Variants in PDE3A observed in about 807,000 individuals in gnomAD.
The protein encoded by PDE3A is phosphodiesterase 3A.
Under a neutral mutation model 98.3 loss-of-function variants are expected in PDE3A, and 43 were observed. The observed-to-expected ratio is 0.44, with a 90% CI of 0.34 to 0.56. PDE3A has a LOEUF of 0.56. Among genes scored for constraint, PDE3A ranks in the 20% least tolerant of loss-of-function variants. The probability of loss-of-function intolerance (pLI) is 0.01; values close to 1 mark genes in which losing one functional copy is unlikely to be tolerated. For synonymous variants in PDE3A, 663 were observed against 567.9 expected, an observed-to-expected ratio of 1.17 and a Z score of -2.38; for missense variants, 1,427 against 1,440.7, an observed-to-expected ratio of 0.99 and a Z score of 0.15.
At chr12:20,389,276 G>C (rs967720830) in intron 1 of PDE3A, among the ~76,000 whole-genome samples, 4 of 151,856 alleles carry the variant, frequency 2.6e-5, no homozygotes, top group African/African-American at 7.3e-5. Context: ...TTAGCATTTG[G>C]GTAGAATCCA....
chr12:20,370,399 TG>T lies in PDE3A; in HGVS notation c.960+156del, dbSNP rs1376695689. ...TTAAGAAACTAGCAGGTTTTTTTTT[TG>T]TTTTTTTTGTTTTTTTTTTTTTGTT... is the stretch of plus-strand genomic sequence containing the variant. On this transcript the variant is annotated intron_variant, in intron 1 of 15. Transcript: ENST00000359062. 1.6e-4 allele frequency: 71 copies of T among 453,314 alleles called. 1 individual carries two copies. The highest frequency in any genetic ancestry group is 1.2e-3 in the African/African-American group (50 of 43,354). 28.1% of individuals were successfully genotyped at this position (453,314 alleles called of 1,614,324 possible). A position where few individuals can be genotyped will look rare whatever the true frequency, so the allele number is the denominator to read the frequency against.
intron 1 of PDE3A, among the ~76,000 whole-genome samples, chr12:20,442,628 A>T (rs547822490): frequency 6.6e-6 from 1 of 152,326 alleles, no homozygotes; most frequent in South Asian, 2.1e-4. Flanking sequence ...CACCACTGCA[A>T]TGGGTTAAAG....
At chr12:20,401,485 G>C (rs2120663510) in intron 1 of PDE3A, among the ~76,000 whole-genome samples, 2 of 152,126 alleles carry the variant, frequency 1.3e-5, no homozygotes, top group Admixed American at 1.3e-4. Context: ...CAATTTTCTA[G>C]TGACTTTGAA....
At chr12:20,560,482 A>G (rs1942485858) in intron 2 of PDE3A, among the ~76,000 whole-genome samples, 2 of 152,168 alleles carry the variant, frequency 1.3e-5, no homozygotes, top group Non-Finnish European at 1.5e-5. Context: ...TTAGGAGGAC[A>G]TTAGTGAACT....
At chr12:20,523,025 A>T (rs1001233514) in intron 1 of PDE3A, among the ~76,000 whole-genome samples, 3 of 151,036 alleles carry the variant, frequency 2.0e-5, no homozygotes, top group Admixed American at 2.0e-4. Flanking sequence ...ATGCACATGG[A>T]GGAGGTCTAA....
chr12:20,376,992 CA>C (rs1202424393), intron 1 of PDE3A, among the ~76,000 whole-genome samples: 1 of 151,722 alleles, frequency 6.6e-6, no homozygotes, highest in Non-Finnish European at 1.5e-5. Context: ...AATAATATTA[CA>C]TTAAGGGCAC....
intron 1 of PDE3A, among the ~76,000 whole-genome samples, chr12:20,458,376 GC>G (rs1404672968): frequency 6.7e-6 from 1 of 149,422 alleles, no homozygotes; most frequent in Non-Finnish European, 1.5e-5. Context: ...TAAATATTAA[GC>G]TTTCCAAAAA....
At chr12:20,413,815 A>T (rs1322897031) in intron 1 of PDE3A, among the ~76,000 whole-genome samples, 2 of 152,164 alleles carry the variant, frequency 1.3e-5, no homozygotes, top group Non-Finnish European at 2.9e-5. Context: ...CCAGGAGTAA[A>T]TGTGGGAAAA....
intron 1 of PDE3A, among the ~76,000 whole-genome samples, chr12:20,393,976 G>T (rs998959684): frequency 2.6e-5 from 4 of 152,040 alleles, no homozygotes; most frequent in Non-Finnish European, 2.9e-5. Context: ...GTATGTTGAC[G>T]TGAGAGAAAA....
intron 1 of PDE3A, among the ~76,000 whole-genome samples, chr12:20,411,611 A>G (rs911244562): frequency 1.3e-5 from 2 of 152,238 alleles, no homozygotes; most frequent in East Asian, 3.9e-4. Context: ...ATGTCCTAAC[A>G]GGTCTCTGGA....
chr12:20,594,695 C>A lies in PDE3A; in HGVS notation c.1012-18748C>A, dbSNP rs1045753187. On this transcript the variant is annotated intron_variant, in intron 2 of 15. Transcript: ENST00000359062. ...AGTAGCATTTTGATTATTAATTTGC[C>A]TCTAGGATTCAGATATGGATAGTAT... Among the ~76,000 whole-genome samples, 13 of 152,084 alleles carry A rather than the reference C, an allele frequency of 8.5e-5. No homozygotes were observed. The East Asian group carries it at 2.3e-3, about 27-fold the overall frequency.
chr12:20,630,471 A>G (rs1392534256), intron 6 of PDE3A, among the ~76,000 whole-genome samples: 1 of 152,198 alleles, frequency 6.6e-6, no homozygotes, highest in Non-Finnish European at 1.5e-5. Context: ...TTTTGTTGGA[A>G]TGTTTGTACT....
rs1942209177 is a variant in PDE3A at position 20,551,784 on chromosome 12, G to A, written c.961-4876G>A. On this transcript the variant is annotated intron_variant, in intron 1 of 15. Transcript: ENST00000359062. ...TGAGAGAGAGCAAGAAGAAGGCGAA[G>A]ATGGCCTCGGCCACATCGTCCTCAC... 5 of 1,614,036 alleles carry A rather than the reference G, an allele frequency of 3.1e-6. No homozygotes were observed. The Admixed American group carries it at 6.7e-5, about 22-fold the overall frequency.
chr12:20,616,499 T>C, intron 4 of PDE3A, 115 bp downstream of exon 4: 1 of 928,170 alleles, frequency 1.1e-6, no homozygotes, highest in Non-Finnish European at 1.6e-6. Flanking sequence ...GAGGTCAGCT[T>C]TGAAGATGGA....
At chr12:20,621,052 A>G (rs556611072) in intron 4 of PDE3A, among the ~76,000 whole-genome samples, 1 of 152,214 alleles carries the variant, frequency 6.6e-6, no homozygotes, top group South Asian at 2.1e-4. Flanking sequence ...TAAGAAAGTT[A>G]TCTTTCCTCT....
At chr12:20,597,367 G>A (rs1004463264) in intron 2 of PDE3A, among the ~76,000 whole-genome samples, 6 of 152,174 alleles carry the variant, frequency 3.9e-5, no homozygotes, top group African/African-American at 1.2e-4. Flanking sequence ...AGACTTAGGT[G>A]TTGGATCTAT....
intron 1 of PDE3A, among the ~76,000 whole-genome samples, chr12:20,526,923 T>C (rs1233956427): frequency 6.6e-6 from 1 of 150,746 alleles, no homozygotes; most frequent in Non-Finnish European, 1.5e-5. Context: ...TGTGTGTGTG[T>C]GTGTGTGTGT....
intron 2 of PDE3A, among the ~76,000 whole-genome samples, chr12:20,600,852 A>G (rs924535495): frequency 1.3e-5 from 2 of 152,188 alleles, no homozygotes; most frequent in Non-Finnish European, 2.9e-5. Flanking sequence ...ATGTTTTAAG[A>G]TGGCTTCCAG....
chr12:20,402,527 C>T (rs1269035189), intron 1 of PDE3A, among the ~76,000 whole-genome samples: 2 of 152,022 alleles, frequency 1.3e-5, no homozygotes, highest in Non-Finnish European at 2.9e-5. Context: ...TTACTAAGTC[C>T]CACACCATCA....
Sources: allele counts gnomAD v4.1 joint callset (sites outside exome capture counted in the v4.1 genomes callset), GRCh38; gene constraint gnomAD v4.1.1; transcripts MANE v1.5; gene names NCBI Gene and HGNC (gene_info 2026-07-23, HGNC 2026-07-21).